YY1AP1: variants seen among roughly 807,000 people sequenced by gnomAD.
YY1AP1 encodes YY1-associated protein 1.
YY1AP1 carries 43 observed loss-of-function variants against 39.9 expected under a neutral mutation model. The observed-to-expected ratio is 1.08, with a 90% confidence interval of 0.84 to 1.39. The LOEUF is 1.39. Among genes scored for constraint, YY1AP1 ranks in the 40% most tolerant of loss-of-function variants. The pLI is 0.00. For missense variants in YY1AP1, 813 were observed against 900.7 expected (o/e 0.90, Z 1.25); for synonymous variants, 292 against 331.3 (o/e 0.88, Z 1.29).
chr1:155,672,828 A>G lies in YY1AP1; in HGVS notation c.412-97T>C, dbSNP rs548448045. 37 of 1,555,416 alleles carry G rather than the reference A, an allele frequency of 2.4e-5. 1 individual carries two copies. In the South Asian group the frequency reaches 4.2e-4, roughly 18 times the overall value. ...AATGAGAAGCTGACCTTCCTACTAC[A>G]GGATAAAAACAGGTAAAAATAATCA... On this transcript the variant is annotated intron_variant, in intron 6 of 10. Coordinates refer to ENST00000355499, the MANE Select transcript of YY1AP1 (RefSeq NM_139119.3).
At chr1:155,688,421 C>G (rs1286436921) in intron 1 of YY1AP1, 3 of 1,546,074 alleles carry the variant, frequency 1.9e-6, no homozygotes, top group Non-Finnish European at 2.6e-6. Flanking sequence ...CCTCCCTCCT[C>G]GCGTTCTTCC....
At chr1:155,682,902 C>T (rs956628538) in intron 2 of YY1AP1, among the ~76,000 whole-genome samples, 1 of 150,898 alleles carries the variant, frequency 6.6e-6, no homozygotes, top group Non-Finnish European at 1.5e-5. Context: ...CCTGGCCAAC[C>T]TGGTGAAACC....
At chr1:155,683,362 G>C (rs1442754890) in intron 2 of YY1AP1, among the ~76,000 whole-genome samples, 1 of 150,992 alleles carries the variant, frequency 6.6e-6, no homozygotes. Flanking sequence ...GAAAGAGATG[G>C]GTTTGGCTAG....
intron 10 of YY1AP1, 69 bp downstream of exon 10, chr1:155,661,238 T>C (rs397834977): frequency 1.1e-5 from 17 of 1,613,762 alleles, no homozygotes; most frequent in East Asian, 6.7e-5. Flanking sequence ...ATTAAGGAAG[T>C]CCTTGATATT....
chr1:155,688,855 G>C, upstream of YY1AP1: 4 of 1,599,394 alleles, frequency 2.5e-6, no homozygotes, highest in Non-Finnish European at 3.4e-6. Flanking sequence ...GAGAGGAAGG[G>C]ACCGGCAAAG....
intron 9 of YY1AP1, among the ~76,000 whole-genome samples, chr1:155,666,756 T>G (rs576983353): frequency 6.6e-6 from 1 of 152,036 alleles, no homozygotes. Flanking sequence ...TTCCAGCACT[T>G]TGGGAGGCCG....
intron 2 of YY1AP1, among the ~76,000 whole-genome samples, chr1:155,683,260 T>C (rs1453294311): frequency 6.6e-6 from 1 of 152,104 alleles, no homozygotes; most frequent in Non-Finnish European, 1.5e-5. Context: ...TCCATCACTG[T>C]ATCTTAGTAC....
intron 9 of YY1AP1, among the ~76,000 whole-genome samples, chr1:155,668,073 T>C (rs1649308175): frequency 6.6e-6 from 1 of 150,850 alleles, no homozygotes; most frequent in Non-Finnish European, 1.5e-5. Flanking sequence ...AAGCCAAAAC[T>C]GGTGGATCAC....
In YY1AP1 at chr1:155,660,359, G is replaced by A. The variant is rs770070166; in HGVS notation, c.1551C>T (p.Ala517=). 4 of 1,614,084 alleles carry A rather than the reference G, an allele frequency of 2.5e-6. No individual in the cohort carries two copies. The highest frequency in any genetic ancestry group is 3.4e-6 in the Non-Finnish European group (4 of 1,180,042). ...PVPKVMMPSP[A]SSMFRKPYVR... is the part of the protein sequence containing the mutation. The stretch of plus-strand genomic sequence containing the variant: ...CATATGGCTTTCGAAACATGGAAGA[G>A]GCAGGGGAGGGCATCATTACCTTGG... Residue 517 remains alanine, a synonymous_variant, in exon 11 of 11, where the codon GCC becomes GCT. Transcript: ENST00000355499.
intron 9 of YY1AP1, 53 bp downstream of exon 9, chr1:155,668,574 G>A (rs1649397809): frequency 6.2e-7 from 1 of 1,613,404 alleles, no homozygotes; most frequent in African/African-American, 1.3e-5. Context: ...CAAGAGAAAA[G>A]AACAGATATG....
intron 4 of YY1AP1, among the ~76,000 whole-genome samples, chr1:155,678,024 G>GA (rs1650970582): frequency 6.6e-6 from 1 of 152,336 alleles, no homozygotes; most frequent in East Asian, 1.9e-4. Flanking sequence ...AAGAGAAGCA[G>GA]AAGCTGCCCA....
intron 2 of YY1AP1, among the ~76,000 whole-genome samples, chr1:155,681,067 G>A (rs1453178129): frequency 1.4e-5 from 2 of 147,690 alleles, no homozygotes; most frequent in East Asian, 3.9e-4. Context: ...TTTCGCTCTT[G>A]TTGCCCAGGC....
intron 2 of YY1AP1, among the ~76,000 whole-genome samples, chr1:155,685,367 T>C (rs1037124963): frequency 6.6e-6 from 1 of 152,210 alleles, no homozygotes; most frequent in Non-Finnish European, 1.5e-5. Flanking sequence ...ACAGAGACCA[T>C]ATATTAATTA....
At chr1:155,662,355 G>T (rs1011786040) in intron 9 of YY1AP1, among the ~76,000 whole-genome samples, 2 of 151,878 alleles carry the variant, frequency 1.3e-5, no homozygotes, top group Non-Finnish European at 2.9e-5. Context: ...GCTGGGTGTG[G>T]TGGTGGGTGC....
chr1:155,672,700 A>T lies in YY1AP1; in HGVS notation c.443T>A (p.Ile148Asn), dbSNP rs774497079. The T allele has an allele frequency of 6.2e-7, 1 of 1,614,194 alleles. No homozygotes were observed. The highest frequency in any genetic ancestry group is 8.5e-7 in the Non-Finnish European group (1 of 1,180,046). The part of the protein sequence containing the change: ...KELGTFAQSS[I>N]ALHHQYNPKF... ...GGGGTTGTACTGATGGTGAAGGGCG[A>T]TGGAGCTTTGAGCAAAGGTTCCCAG... is the stretch of plus-strand genomic sequence containing the variant. The change falls in exon 7 of 11, where the codon ATC becomes AAC. Residue 148 changes from isoleucine to asparagine, a missense_variant. Transcript: ENST00000355499.
chr1:155,666,710 A>C (rs890198594), intron 9 of YY1AP1, among the ~76,000 whole-genome samples: 16 of 152,088 alleles, frequency 1.1e-4, no homozygotes, highest in African/African-American at 3.9e-4. Context: ...TAAAAAAAAA[A>C]AGTTTTTTGC....
At chr1:155,676,432 AC>A in intron 5 of YY1AP1, 115 bp downstream of exon 5, 2 of 1,226,246 alleles carry the variant, frequency 1.6e-6, no homozygotes, top group Non-Finnish European at 2.4e-6. Context: ...CGGTTTTAAT[AC>A]GTAGTAAGGT....
At chr1:155,688,356 G>A in intron 1 of YY1AP1, 155 bp from the exon 2 acceptor site, 6 of 1,547,920 alleles carry the variant, frequency 3.9e-6, no homozygotes, top group Non-Finnish European at 5.2e-6. Context: ...GGCCGCGGCA[G>A]CTCCTCCAGA....
intron 7 of YY1AP1, 61 bp from the exon 8 acceptor site, chr1:155,670,525 C>G: frequency 6.3e-7 from 1 of 1,594,850 alleles, no homozygotes; most frequent in South Asian, 1.1e-5. Context: ...TTCAAAAAGC[C>G]TGTGAATGCA....
Sources: gnomAD v4.1 joint callset for allele counts (sites outside exome capture counted in the v4.1 genomes callset) on GRCh38, gnomAD v4.1.1 for gene constraint, MANE v1.5 for transcripts, NCBI Gene and HGNC (gene_info 2026-07-23, HGNC 2026-07-21) for gene names.